LARGE1: variants seen among roughly 807,000 people sequenced by gnomAD.
The protein encoded by LARGE1 is LARGE xylosyl- and glucuronyltransferase 1.
A neutral mutation model predicts 87.6 loss-of-function variants in LARGE1; 43 were observed. The observed-to-expected ratio is 0.49, with a 90% CI of 0.38 to 0.63. LARGE1 has a LOEUF of 0.63. LARGE1 is among the 30% of genes least tolerant of loss of function. The pLI is 0.00. For synonymous variants in LARGE1, 434 were observed against 394.6 expected (o/e 1.10, Z -1.18); for missense variants, 802 against 1,000.2 (o/e 0.80, Z 2.67).
chr22:33,254,789 C>T (rs1261174256), intron 11 of LARGE1, among the ~76,000 whole-genome samples: 1 of 152,156 alleles, frequency 6.6e-6, no homozygotes, highest in Non-Finnish European at 1.5e-5. Flanking sequence ...TTCTTCTTCT[C>T]TTTCTCTACT....
At chr22:33,120,269 T>C in the LARGE1 span, among the ~76,000 whole-genome samples, 17 of 152,288 alleles carry the variant, frequency 1.1e-4, no homozygotes, top group African/African-American at 3.8e-4. Flanking sequence ...TCTGGAAAAG[T>C]AAGTCTTTGG....
chr22:33,855,292 C>T (rs1236010786), intron 1 of LARGE1, among the ~76,000 whole-genome samples: 1 of 152,024 alleles, frequency 6.6e-6, no homozygotes, highest in Non-Finnish European at 1.5e-5. Context: ...GGAGATCGCG[C>T]CACCACACTC....
intron 3 of LARGE1, among the ~76,000 whole-genome samples, chr22:33,628,780 C>T (rs1167158149): frequency 1.3e-5 from 1 of 74,894 alleles, no homozygotes; most frequent in Non-Finnish European, 2.6e-5. Flanking sequence ...GACATATTCA[C>T]CTCCCTATCC....
intron 6 of LARGE1, among the ~76,000 whole-genome samples, chr22:33,493,601 A>G (rs2069961404): frequency 1.3e-5 from 2 of 152,178 alleles, no homozygotes; most frequent in African/African-American, 2.4e-5. Context: ...ATAGTTCCAA[A>G]TCAACACCCA....
chr22:33,708,114 G>A (rs750737584), intron 2 of LARGE1, among the ~76,000 whole-genome samples: 3 of 152,188 alleles, frequency 2.0e-5, no homozygotes, highest in Non-Finnish European at 4.4e-5. Flanking sequence ...TGTGTAGAAT[G>A]TCAGGCTCAG....
At chr22:33,232,535 T>C (rs572379551) in intron 11 of LARGE1, among the ~76,000 whole-genome samples, 4 of 152,228 alleles carry the variant, frequency 2.6e-5, no homozygotes, top group Non-Finnish European at 5.9e-5. Context: ...TGGCAGAGGA[T>C]GGACTAAAGA....
At chr22:33,659,858 C>A (rs537250143) in intron 2 of LARGE1, among the ~76,000 whole-genome samples, 1 of 151,496 alleles carries the variant, frequency 6.6e-6, no homozygotes, top group Non-Finnish European at 1.5e-5. Flanking sequence ...TGAATGAGAT[C>A]TGACTTTTGT....
chr22:33,375,217 G>A (rs1204117975), intron 9 of LARGE1, among the ~76,000 whole-genome samples: 1 of 152,294 alleles, frequency 6.6e-6, no homozygotes, highest in East Asian at 1.9e-4. Context: ...TCTTCCCTAA[G>A]CTGTCTATAG....
chr22:33,348,281 C>G (rs62732862), intron 9 of LARGE1, among the ~76,000 whole-genome samples: 2 of 30,698 alleles, frequency 6.5e-5, no homozygotes, highest in Admixed American at 7.6e-4. Flanking sequence ...CCCCCACCCA[C>G]CCCCCCCCAA....
intron 11 of LARGE1, among the ~76,000 whole-genome samples, chr22:33,311,759 GT>G (rs1300941850): frequency 6.6e-6 from 1 of 152,184 alleles, no homozygotes; most frequent in Non-Finnish European, 1.5e-5. Flanking sequence ...TCGTAAGGAT[GT>G]TCAGATCTAG....
chr22:33,767,108 G>C (rs1030012152), intron 1 of LARGE1, among the ~76,000 whole-genome samples: 1 of 151,248 alleles, frequency 6.6e-6, no homozygotes, highest in South Asian at 2.1e-4. Flanking sequence ...GACATCAGGC[G>C]TTCAAGACCA....
At chr22:33,767,727 T>A (rs893423315) in intron 1 of LARGE1, among the ~76,000 whole-genome samples, 3 of 152,032 alleles carry the variant, frequency 2.0e-5, no homozygotes, top group African/African-American at 4.8e-5. Context: ...ACACTGCACA[T>A]GAAGAAGGAA....
intron 5 of LARGE1, among the ~76,000 whole-genome samples, chr22:33,570,695 CA>C (rs769555370): frequency 3.4e-4 from 49 of 144,860 alleles, no homozygotes; most frequent in Non-Finnish European, 6.0e-4. Context: ...CTGGAAAATG[CA>C]AAGTCCCTCC....
chr22:33,084,034 C>A, the LARGE1 span, among the ~76,000 whole-genome samples: 24 of 152,318 alleles, frequency 1.6e-4, no homozygotes, highest in South Asian at 5.0e-3. Flanking sequence ...ACCAGAACTG[C>A]TTTTTGTCTC....
At chr22:33,333,921 C>A (rs1938073576) in intron 10 of LARGE1, among the ~76,000 whole-genome samples, 1 of 148,354 alleles carries the variant, frequency 6.7e-6, no homozygotes, top group African/African-American at 2.5e-5. Flanking sequence ...GAGTTCGAGA[C>A]CAGCCTGGCC....
intron 7 of LARGE1, among the ~76,000 whole-genome samples, chr22:33,392,229 T>C (rs1049800837): frequency 3.3e-5 from 5 of 152,066 alleles, no homozygotes; most frequent in African/African-American, 1.2e-4. Flanking sequence ...AACACACTCT[T>C]GGCTCTGAGT....
intron 6 of LARGE1, among the ~76,000 whole-genome samples, chr22:33,458,821 G>A (rs552107789): frequency 3.6e-4 from 55 of 152,222 alleles, no homozygotes; most frequent in Non-Finnish European, 6.8e-4. Flanking sequence ...ATGCAGAGGT[G>A]AGCAGGCATT....
intron 11 of LARGE1, among the ~76,000 whole-genome samples, chr22:33,174,341 T>A (rs745989725): frequency 2.6e-5 from 4 of 152,168 alleles, no homozygotes; most frequent in Non-Finnish European, 2.9e-5. Context: ...TTTAAAGCAG[T>A]GTGTAGAGGT....
intron 2 of LARGE1, among the ~76,000 whole-genome samples, chr22:33,698,256 T>C (rs1398014775): frequency 1.4e-5 from 2 of 144,838 alleles, no homozygotes; most frequent in East Asian, 4.1e-4. Context: ...TATTTTTTTG[T>C]AGAGATGGGA....
Sources: gnomAD v4.1 joint callset for allele counts (sites outside exome capture counted in the v4.1 genomes callset) on GRCh38, gnomAD v4.1.1 for gene constraint, MANE v1.5 for transcripts, NCBI Gene and HGNC (gene_info 2026-07-23, HGNC 2026-07-21) for gene names.